Variants in SLC39A12 observed in about 807,000 individuals in gnomAD.
SLC39A12 encodes the protein zinc transporter ZIP12.
Under a neutral mutation model 71.1 loss-of-function variants are expected in SLC39A12, and 63 were observed. That is an observed-to-expected ratio of 0.89 (90% CI 0.72 to 1.09). SLC39A12 has a LOEUF of 1.09. Ranked by LOEUF, SLC39A12 falls within the 50% of genes least tolerant of loss-of-function variation. The pLI is 0.00. For missense variants in SLC39A12, 892 were observed against 812.6 expected, an observed-to-expected ratio of 1.10 and a Z score of -1.19; for synonymous variants, 351 against 301.3, an observed-to-expected ratio of 1.16 and a Z score of -1.71.
chr10:17,981,252 G>A, intron 5 of SLC39A12, 60 bp from the exon 6 acceptor site: 1 of 1,449,896 alleles, frequency 6.9e-7, no homozygotes. Context: ...ATGACAACTG[G>A]TGGAGAATCT....
At chr10:17,955,003 C>T (rs1834503870) in intron 2 of SLC39A12, among the ~76,000 whole-genome samples, 1 of 152,140 alleles carries the variant, frequency 6.6e-6, no homozygotes, top group African/African-American at 2.4e-5. Context: ...TCTGTGATGA[C>T]ATTAATATAT....
At chr10:17,967,057 T>C (rs924292964) in intron 4 of SLC39A12, among the ~76,000 whole-genome samples, 1 of 152,186 alleles carries the variant, frequency 6.6e-6, no homozygotes, top group Non-Finnish European at 1.5e-5. Flanking sequence ...ATAAAGTCCA[T>C]AAAATGCAAA....
chr10:18,004,195 T>C (rs1835937574), intron 12 of SLC39A12: 1 of 152,164 alleles, frequency 6.6e-6, no homozygotes, highest in Non-Finnish European at 1.5e-5. Flanking sequence ...TAAGGTAAAA[T>C]CATATTGATT....
At chr10:17,968,603 G>T (rs571854443) in intron 4 of SLC39A12, among the ~76,000 whole-genome samples, 1 of 151,952 alleles carries the variant, frequency 6.6e-6, no homozygotes, top group South Asian at 2.1e-4. Context: ...TCAATCTGAA[G>T]GATTATTTTG....
chr10:17,965,274 G>T (rs1016597946), intron 3 of SLC39A12, among the ~76,000 whole-genome samples: 4 of 152,082 alleles, frequency 2.6e-5, no homozygotes, highest in Non-Finnish European at 5.9e-5. Flanking sequence ...ATGAGGGTTA[G>T]AAAATTCAGT....
In SLC39A12 at chr10:18,038,018, C is replaced by CAAAAAAAAAAA. The variant is rs763211521; in HGVS notation, c.1948-4664_1948-4654dup. Among the ~76,000 whole-genome samples, 8 of 14,974 alleles carry CAAAAAAAAAAA rather than the reference C, an allele frequency of 5.3e-4. 2 individuals carry two copies. The highest frequency in any genetic ancestry group is 2.6e-3 in the Admixed American group (2 of 774). 9.8% of individuals were successfully genotyped at this position (14,974 alleles called of 152,430 possible). A position where few individuals can be genotyped will look rare whatever the true frequency, so the allele number is the denominator to read the frequency against. Reference sequence around the variant, plus strand: ...CTAGTGACAGAGTGAGCCTCCATCTCAAAAAAAAAAAAAAAAAAAAAAAAA... The same window carrying CAAAAAAAAAAA: ...CTAGTGACAGAGTGAGCCTCCATCTCAAAAAAAAAAAAAAAAAAAAAAAAAAAAAAAAAAAA... On this transcript the variant is annotated intron_variant, in intron 12 of 12. Coordinates refer to ENST00000377369, the MANE Select transcript of SLC39A12 (RefSeq NM_001145195.2).
chr10:18,039,887 T>C (rs1837171182), intron 12 of SLC39A12, among the ~76,000 whole-genome samples: 1 of 152,210 alleles, frequency 6.6e-6, no homozygotes. Flanking sequence ...GGATTTTGAA[T>C]TAATATCAAG....
At chr10:17,970,605 G>C (rs977609504) in intron 4 of SLC39A12, among the ~76,000 whole-genome samples, 1 of 151,400 alleles carries the variant, frequency 6.6e-6, no homozygotes, top group Non-Finnish European at 1.5e-5. Flanking sequence ...ATATAGAAAT[G>C]CTACCGATTT....
In SLC39A12 at chr10:17,993,179, A is replaced by G; in HGVS notation, c.1423-2A>G. The stretch of plus-strand genomic sequence containing the variant: ...CACTAATTTTAAACCATCCTCATCC[A>G]GCAGGGCCTGTCATTGGTTAATGGG... On this transcript the variant is annotated splice_acceptor_variant, in intron 8 of 12. Coordinates refer to ENST00000377369, the MANE Select transcript of SLC39A12 (RefSeq NM_001145195.2). LOFTEE classifies it high-confidence loss of function. 3 of 1,549,044 alleles carry G rather than the reference A, an allele frequency of 1.9e-6. No individual in the cohort carries two copies. The South Asian group carries it at 3.6e-5, about 18-fold the overall frequency.
chr10:17,967,401 A>T (rs1834853430), intron 4 of SLC39A12, among the ~76,000 whole-genome samples: 1 of 152,186 alleles, frequency 6.6e-6, no homozygotes, highest in Admixed American at 6.5e-5. Context: ...TAAAATGGTG[A>T]TCTTCTAACA....
At position 18,038,654 on chromosome 10, in the gene SLC39A12, A is replaced by AAAATAAAT. The variant is rs141486316; in HGVS notation, c.1948-4027_1948-4020dup. Among the ~76,000 whole-genome samples, 22 of 150,212 alleles carry AAAATAAAT rather than the reference A, an allele frequency of 1.5e-4. No individual in the cohort carries two copies. In the East Asian group the frequency reaches 2.8e-3, roughly 19 times the overall value. ...GCCACAAGAGTGAAACTCTGTCTCA[A>AAAATAAAT]AAATAAATAAATAAATAAATAAATA... On this transcript the variant is annotated intron_variant, in intron 12 of 12. Coordinates refer to ENST00000377369, the MANE Select transcript of SLC39A12 (RefSeq NM_001145195.2).
chr10:17,971,550 G>A (rs1427748550), intron 4 of SLC39A12, among the ~76,000 whole-genome samples: 1 of 151,614 alleles, frequency 6.6e-6, no homozygotes, highest in South Asian at 2.1e-4. Flanking sequence ...ATTTCTTCCT[G>A]GTTTAATCAT....
chr10:18,014,138 T>A (rs1836312439), intron 12 of SLC39A12, among the ~76,000 whole-genome samples: 1 of 152,180 alleles, frequency 6.6e-6, no homozygotes, highest in African/African-American at 2.4e-5. Flanking sequence ...CTTTCAGCAA[T>A]GTTTTATAGT....
chr10:17,967,886 C>CAAA (rs1175508363), intron 4 of SLC39A12, among the ~76,000 whole-genome samples: 3 of 131,468 alleles, frequency 2.3e-5, no homozygotes, highest in Admixed American at 7.8e-5. Flanking sequence ...GACTCCGCCT[C>CAAA]AAAAAAAAAA....
chr10:18,012,851 G>T (rs1483072853), intron 12 of SLC39A12, among the ~76,000 whole-genome samples: 2 of 128,318 alleles, frequency 1.6e-5, no homozygotes, highest in Non-Finnish European at 3.2e-5. Flanking sequence ...GGGTGACAAG[G>T]TGAGACTACG....
chr10:18,041,110 T>G (rs1484565878), intron 12 of SLC39A12, among the ~76,000 whole-genome samples: 1 of 152,178 alleles, frequency 6.6e-6, no homozygotes, highest in Non-Finnish European at 1.5e-5. Context: ...AATGACTGTG[T>G]AATGAAAGAG....
chr10:17,993,811 A>T lies in SLC39A12; in HGVS notation c.1533+520A>T, dbSNP rs948762809. Reference sequence around the variant, plus strand: ...CTTCTATATTAATTCTCAAAGCACAATGTCCAATCATGTTCAAAACAATAT... The same window carrying T: ...CTTCTATATTAATTCTCAAAGCACATTGTCCAATCATGTTCAAAACAATAT... On this transcript the variant is annotated intron_variant, in intron 9 of 12. Transcript: ENST00000377369. Among the ~76,000 whole-genome samples the T allele has an allele frequency of 3.3e-5, 5 of 152,366 alleles. No individual in the cohort carries two copies. In the East Asian group the frequency reaches 9.6e-4, roughly 29 times the overall value.
chr10:17,981,134 A>G (rs1191049878), intron 5 of SLC39A12, among the ~76,000 whole-genome samples, 178 bp from the exon 6 acceptor site: 1 of 152,218 alleles, frequency 6.6e-6, no homozygotes, highest in South Asian at 2.1e-4. Flanking sequence ...TCAGAGATTT[A>G]AGACATCCTT....
intron 12 of SLC39A12, among the ~76,000 whole-genome samples, chr10:18,026,480 A>G (rs1298569088): frequency 1.3e-5 from 2 of 152,006 alleles, no homozygotes; most frequent in Non-Finnish European, 2.9e-5. Context: ...CATTTTCTGA[A>G]GTTTAAAGAT....
Sources: allele counts gnomAD v4.1 joint callset (sites outside exome capture counted in the v4.1 genomes callset), GRCh38; gene constraint gnomAD v4.1.1; transcripts MANE v1.5; gene names NCBI Gene and HGNC (gene_info 2026-07-23, HGNC 2026-07-21).